The following MARCHF6 variants were observed in gnomAD, a reference collection of about 807,000 sequenced individuals.
MARCHF6 encodes the protein E3 ubiquitin-protein ligase MARCHF6.
In MARCHF6, 31 loss-of-function variants were observed where a neutral mutation model predicts 133.7. The observed-to-expected ratio is 0.23, with a 90% CI of 0.17 to 0.31. The LOEUF (loss-of-function observed/expected upper bound fraction) is 0.31, where lower values mean the gene tolerates loss of function less well. Ranked by LOEUF, MARCHF6 falls within the 10% of genes least tolerant of loss-of-function variation. The probability of loss-of-function intolerance (pLI) is 1.00; values close to 1 mark genes in which losing one functional copy is unlikely to be tolerated. For missense variants in MARCHF6, 723 were observed against 1,121.6 expected, an observed-to-expected ratio of 0.64 and a Z score of 5.08; for synonymous variants, 395 against 402.5, an observed-to-expected ratio of 0.98 and a Z score of 0.22.
intron 7 of MARCHF6, among the ~76,000 whole-genome samples, chr5:10,392,756 GAAA>G (rs558643433): frequency 1.5e-5 from 2 of 135,608 alleles, no homozygotes; most frequent in Non-Finnish European, 3.2e-5. Flanking sequence ...TCCGTCTCAA[GAAA>G]AAAAAAAAAA....
intron 1 of MARCHF6, among the ~76,000 whole-genome samples, chr5:10,357,167 G>C (rs527602204): frequency 3.1e-4 from 47 of 150,988 alleles, no homozygotes; most frequent in African/African-American, 1.0e-3. Flanking sequence ...AATGCACTGA[G>C]ATTTCTCAGT....
chr5:10,412,582 T>C (rs1478943705), intron 19 of MARCHF6, among the ~76,000 whole-genome samples: 1 of 152,080 alleles, frequency 6.6e-6, no homozygotes, highest in Non-Finnish European at 1.5e-5. Context: ...AGTTGTGTTG[T>C]TTTGTTTTTG....
At chr5:10,390,866 G>T (rs1253471149) in intron 6 of MARCHF6, among the ~76,000 whole-genome samples, 2 of 152,156 alleles carry the variant, frequency 1.3e-5, no homozygotes, top group Non-Finnish European at 2.9e-5. Flanking sequence ...CATCCCTGAT[G>T]CTGTCAATAA....
At chr5:10,376,575 A>T (rs1736793411) in intron 1 of MARCHF6, among the ~76,000 whole-genome samples, 1 of 152,266 alleles carries the variant, frequency 6.6e-6, no homozygotes, top group Non-Finnish European at 1.5e-5. Context: ...CTAACCAGTT[A>T]GGTGAGCATT....
At chr5:10,377,658 T>G in intron 1 of MARCHF6, 140 bp from the exon 2 acceptor site, 1 of 539,122 alleles carries the variant, frequency 1.9e-6, no homozygotes, top group Middle Eastern at 4.9e-4. Flanking sequence ...TAATCACAAC[T>G]TTCAGTTCTC....
chr5:10,427,550 C>G (rs1740151993), intron 24 of MARCHF6, among the ~76,000 whole-genome samples: 1 of 152,186 alleles, frequency 6.6e-6, no homozygotes, highest in East Asian at 1.9e-4. Context: ...CTCTCCATAA[C>G]TGTCTCCACA....
In MARCHF6 at chr5:10,433,879, G is replaced by A. The variant is rs1262658016; in HGVS notation, c.*195G>A. ...GGATCTTCTGACATTACTGCTGTCT[G>A]AGATTTGTATATGTGTAAATACAAG... On this transcript the variant is annotated 3_prime_UTR_variant, in exon 26 of 26. Coordinates refer to ENST00000274140, the MANE Select transcript of MARCHF6 (RefSeq NM_005885.4). The A allele has an allele frequency of 5.2e-6, 3 of 577,718 alleles. No homozygotes were observed. The highest frequency in any genetic ancestry group is 9.3e-6 in the Non-Finnish European group (3 of 321,038). 35.8% of individuals were successfully genotyped at this position (577,718 alleles called of 1,614,324 possible).
intron 7 of MARCHF6, 46 bp from the exon 8 acceptor site, chr5:10,394,036 A>C (rs1012834519): frequency 8.6e-7 from 1 of 1,156,444 alleles, no homozygotes. Flanking sequence ...TTTATTATTT[A>C]TTATTTTTAC....
chr5:10,392,756 GAAAA>G (rs558643433), intron 7 of MARCHF6, among the ~76,000 whole-genome samples: 42 of 135,612 alleles, frequency 3.1e-4, no homozygotes, highest in Admixed American at 1.2e-3. Flanking sequence ...TCCGTCTCAA[GAAAA>G]AAAAAAAAAG....
chr5:10,425,863 G>C (rs1034902515), intron 23 of MARCHF6, among the ~76,000 whole-genome samples: 3 of 152,056 alleles, frequency 2.0e-5, no homozygotes, highest in African/African-American at 7.2e-5. Flanking sequence ...TCTTGGACTT[G>C]CTTTTTTTAT....
chr5:10,385,507 T>C (rs1462710662), intron 4 of MARCHF6, among the ~76,000 whole-genome samples: 1 of 152,220 alleles, frequency 6.6e-6, no homozygotes, highest in African/African-American at 2.4e-5. Context: ...TAGATTTCTC[T>C]GTTACGAGAG....
At chr5:10,361,083 T>C (rs1735794853) in intron 1 of MARCHF6, among the ~76,000 whole-genome samples, 1 of 152,228 alleles carries the variant, frequency 6.6e-6, no homozygotes, top group African/African-American at 2.4e-5. Flanking sequence ...TATTTTAGAA[T>C]GCTGTTGCAG....
At chr5:10,410,632 T>C (rs753218450) in intron 18 of MARCHF6, among the ~76,000 whole-genome samples, 3 of 152,182 alleles carry the variant, frequency 2.0e-5, no homozygotes, top group Non-Finnish European at 4.4e-5. Context: ...GGAAATGGGT[T>C]CTTCTCAAAT....
At position 10,397,163 on chromosome 5, in the gene MARCHF6, A is replaced by G. The variant is rs150204286; in HGVS notation, c.862-130A>G. The G allele has an allele frequency of 1.9e-4, 116 of 603,698 alleles. No individual in the cohort carries two copies. The East Asian group carries it at 3.1e-3, about 16-fold the overall frequency. 37.4% of individuals were successfully genotyped at this position (603,698 alleles called of 1,614,324 possible). On this transcript the variant is annotated intron_variant, in intron 9 of 25. Coordinates refer to ENST00000274140, the MANE Select transcript of MARCHF6 (RefSeq NM_005885.4). ...ATATTATGTCTAGATTGAAATCCCAAAACAATAGAGGGAAAATTTCAATCT... is the reference window on the plus strand; with the variant it reads ...ATATTATGTCTAGATTGAAATCCCAGAACAATAGAGGGAAAATTTCAATCT...
At chr5:10,370,092 ATTTTTTTTTTTT>A (rs762064486) in intron 1 of MARCHF6, among the ~76,000 whole-genome samples, 2 of 64,968 alleles carry the variant, frequency 3.1e-5, no homozygotes, top group Non-Finnish European at 2.5e-5. Flanking sequence ...TCTTACTGTG[ATTTTTTTTTTTT>A]TTTTTTTTTT....
chr5:10,361,335 G>A lies in MARCHF6; in HGVS notation c.19+7418G>A, dbSNP rs143643062. ...TGTAACAAAGTACTACAGATTGGGTGCTTAAGAGAAATTTGTTTTCTCAAC... is the reference window on the plus strand; with the variant it reads ...TGTAACAAAGTACTACAGATTGGGTACTTAAGAGAAATTTGTTTTCTCAAC... On this transcript the variant is annotated intron_variant, in intron 1 of 25. Coordinates refer to ENST00000274140, the MANE Select transcript of MARCHF6 (RefSeq NM_005885.4). 5.5e-3 allele frequency among the ~76,000 whole-genome samples: 836 copies of A among 152,280 alleles called. 8 individuals are homozygous for A. Among genetic ancestry groups the A allele is most frequent in the Non-Finnish European group, 8.5e-3 (577 of 68,018 alleles).
At position 10,415,558 on chromosome 5, in the gene MARCHF6, T is replaced by TCTA; in HGVS notation, c.2037_2038insCTA (p.Ala679_Cys680insLeu). 6.2e-7 allele frequency: 1 copy of TCTA among 1,614,204 alleles called. No individual in the cohort carries two copies. Among genetic ancestry groups the TCTA allele is most frequent in the Non-Finnish European group, 8.5e-7 (1 of 1,180,042 alleles). On this transcript the variant is annotated inframe_insertion, in exon 21 of 26. Transcript: ENST00000274140. ...AAATCCATGAGCTCTACACAGCTGC[T>TCTA]TGTGGTCTCTATGTTTGCTGGCTAA...
chr5:10,433,290 A>G (rs1190556771), intron 25 of MARCHF6, among the ~76,000 whole-genome samples: 1 of 152,236 alleles, frequency 6.6e-6, no homozygotes. Flanking sequence ...AATCCACTGC[A>G]TAAGTTTACT....
In MARCHF6 at chr5:10,437,294, T is replaced by C. The variant is rs1363329259; in HGVS notation, c.*3610T>C. ...AAAGATTATATTTAAAATACTTCTTTAGGATGTTATTCAGCCATCAAAAAA... is the reference window on the plus strand; with the variant it reads ...AAAGATTATATTTAAAATACTTCTTCAGGATGTTATTCAGCCATCAAAAAA... On this transcript the variant is annotated 3_prime_UTR_variant, in exon 26 of 26. Coordinates refer to ENST00000274140, the MANE Select transcript of MARCHF6 (RefSeq NM_005885.4). 4 of 152,218 alleles carry C rather than the reference T, an allele frequency of 2.6e-5. No individual in the cohort carries two copies. Among genetic ancestry groups the C allele is most frequent in the Non-Finnish European group, 5.9e-5 (4 of 68,050 alleles). 9.4% of individuals were successfully genotyped at this position (152,218 alleles called of 1,614,324 possible).
Sources: allele counts gnomAD v4.1 joint callset (sites outside exome capture counted in the v4.1 genomes callset), GRCh38; gene constraint gnomAD v4.1.1; transcripts MANE v1.5; gene names NCBI Gene and HGNC (gene_info 2026-07-23, HGNC 2026-07-21).